Variants in MID1 observed in about 807,000 individuals in gnomAD.
The protein encoded by MID1 is midline 1.
MID1 carries 7 observed loss-of-function variants against 40.4 expected under a neutral mutation model. That is an observed-to-expected ratio of 0.17 (90% CI 0.10 to 0.33). The LOEUF (loss-of-function observed/expected upper bound fraction) is 0.33. Among genes scored for constraint, MID1 ranks in the 10% least tolerant of loss-of-function variants. The pLI is 1.00. For missense variants in MID1, 367 were observed against 558.5 expected (o/e 0.66, Z 3.46); for synonymous variants, 229 against 221.2 (o/e 1.04, Z -0.31).
intron 9 of MID1, 57 bp downstream of exon 9, chrX:10,454,809 CTAAG>C (rs1928553858): frequency 3.0e-6 from 3 of 995,724 alleles, no homozygotes; most frequent in African/African-American, 3.8e-5. Context: ...GGTTGACTCT[CTAAG>C]TACAGAATGA....
At chrX:10,571,534 A>C (rs1159016050) in intron 1 of MID1, among the ~76,000 whole-genome samples, 1 of 106,188 alleles carries the variant, frequency 9.4e-6, no homozygotes, top group African/African-American at 3.5e-5. Context: ...CAAATACTTA[A>C]GTTCATCTAT....
chrX:10,460,329 C>T (rs1412955740), intron 7 of MID1, among the ~76,000 whole-genome samples: 1 of 111,427 alleles, frequency 9.0e-6, no homozygotes, highest in Non-Finnish European at 1.9e-5. Flanking sequence ...CCAACCCCAA[C>T]CGACCTCCAA....
rs543953774 is a variant in MID1 at position 10,799,653 on chromosome X, G to C, written c.-187+33901C>G. On this transcript the variant is annotated intron_variant, in intron 1 of 10. Transcript: ENST00000380785. ...AGAACTTCCAGGAGATTTATGGCAAGGTTGAGATACCTAACAGGCTGATCT... is the reference window on the plus strand; with the variant it reads ...AGAACTTCCAGGAGATTTATGGCAACGTTGAGATACCTAACAGGCTGATCT... Among the ~76,000 whole-genome samples the C allele has an allele frequency of 3.0e-4, 33 of 109,026 alleles. No individual in the cohort carries two copies. In the South Asian group the frequency reaches 4.1e-3, roughly 14 times the overall value. The allele number at this position is 109,026 out of a possible 115,157, so 94.7% of individuals were successfully genotyped here.
intron 1 of MID1, among the ~76,000 whole-genome samples, chrX:10,832,452 A>G (rs1339845559): frequency 1.8e-5 from 2 of 112,333 alleles, no homozygotes; most frequent in African/African-American, 6.5e-5. Flanking sequence ...AATATCAGAA[A>G]TCTGAAATTG....
chrX:10,634,527 A>G (rs1247958787), intron 1 of MID1, among the ~76,000 whole-genome samples: 3 of 109,235 alleles, frequency 2.7e-5, no homozygotes, highest in Non-Finnish European at 5.7e-5. Context: ...AGAGGTTGCT[A>G]TGGATACATT....
intron 1 of MID1, among the ~76,000 whole-genome samples, chrX:10,613,243 G>A (rs1021505586): frequency 4.5e-5 from 5 of 111,281 alleles, no homozygotes; most frequent in African/African-American, 1.6e-4. Context: ...AGACCCTTTG[G>A]TAATATATTA....
chrX:10,771,531 G>A (rs1461705031), intron 1 of MID1, among the ~76,000 whole-genome samples: 7 of 105,625 alleles, frequency 6.6e-5, no homozygotes, highest in South Asian at 4.2e-4. Context: ...CATTCTTGTC[G>A]CCCAGGCTGG....
intron 1 of MID1, among the ~76,000 whole-genome samples, chrX:10,603,149 C>T (rs1479475995): frequency 1.8e-5 from 2 of 112,276 alleles, no homozygotes; most frequent in Non-Finnish European, 3.8e-5. Context: ...ACTTATCTGC[C>T]CACATTTTTG....
At chrX:10,824,564 C>T (rs760793986) in intron 1 of MID1, among the ~76,000 whole-genome samples, 3 of 112,193 alleles carry the variant, frequency 2.7e-5, no homozygotes, top group East Asian at 2.8e-4. Flanking sequence ...AGTGCTCCTG[C>T]TTTGAACTCA....
intron 1 of MID1, among the ~76,000 whole-genome samples, chrX:10,659,068 T>TC (rs200464371): frequency 0.077 from 8,580 of 111,720 alleles, 500 homozygotes; most frequent in African/African-American, 0.2. Context: ...CTTACAGTCT[T>TC]TGGAGCACAA....
chrX:10,549,884 C>A (rs1221134883), intron 2 of MID1, among the ~76,000 whole-genome samples: 2 of 112,373 alleles, frequency 1.8e-5, no homozygotes, highest in Non-Finnish European at 3.8e-5. Context: ...ATAAGTAGTA[C>A]CTTCCAGCAG....
At chrX:10,749,049 G>C (rs778746914) in intron 1 of MID1, among the ~76,000 whole-genome samples, 2 of 111,427 alleles carry the variant, frequency 1.8e-5, no homozygotes, top group African/African-American at 3.3e-5. Context: ...GCATAGTGTG[G>C]AGTGCTTTGT....
chrX:10,800,734 C>T (rs2044000282), intron 1 of MID1, among the ~76,000 whole-genome samples: 1 of 111,842 alleles, frequency 8.9e-6, no homozygotes, highest in African/African-American at 3.2e-5. Context: ...GGCCTAATTC[C>T]TTTGCTAATT....
At chrX:10,704,739 T>TACACACACACACAC (rs1189463440) in intron 1 of MID1, among the ~76,000 whole-genome samples, 21 of 82,183 alleles carry the variant, frequency 2.6e-4, no homozygotes, top group African/African-American at 6.9e-4. Flanking sequence ...TATATATATA[T>TACACACACACACAC]ACACACACAC....
At chrX:10,680,456 T>G (rs1410888361) in intron 1 of MID1, among the ~76,000 whole-genome samples, 1 of 112,109 alleles carries the variant, frequency 8.9e-6, no homozygotes, top group Non-Finnish European at 1.9e-5. Context: ...AATGTTTGAA[T>G]GTATTATCTT....
chrX:10,825,691 A>G (rs2044211065), intron 1 of MID1, among the ~76,000 whole-genome samples: 1 of 111,585 alleles, frequency 9.0e-6, no homozygotes, highest in Admixed American at 9.5e-5. Flanking sequence ...AATGAAATAG[A>G]AAGAATTCGC....
In MID1 at chrX:10,446,493, T is replaced by C. The variant is rs1413566875; in HGVS notation, c.*2875A>G. 1 of 112,136 alleles carries C rather than the reference T, an allele frequency of 8.9e-6. No homozygotes were observed. Among genetic ancestry groups the C allele is most frequent in the African/African-American group, 3.2e-5 (1 of 30,875 alleles). 9.2% of individuals were successfully genotyped at this position (112,136 alleles called of 1,213,427 possible). A position where few individuals can be genotyped will look rare whatever the true frequency, so the allele number is the denominator to read the frequency against. Reference sequence around the variant, plus strand: ...GTCAGTTTTTGAAGTCACTTTCTTTTAAAGCTGGAAAGAATCTTCACCCAG... The same window carrying C: ...GTCAGTTTTTGAAGTCACTTTCTTTCAAAGCTGGAAAGAATCTTCACCCAG... On this transcript the variant is annotated 3_prime_UTR_variant, in exon 10 of 10. Transcript: ENST00000317552.
chrX:10,681,433 T>G (rs185744312), intron 1 of MID1, among the ~76,000 whole-genome samples: 1 of 112,308 alleles, frequency 8.9e-6, no homozygotes, highest in Admixed American at 9.4e-5. Context: ...ATTGCGTGGC[T>G]GACAGTTGAT....
At chrX:10,763,526 C>T (rs185127499) in intron 1 of MID1, among the ~76,000 whole-genome samples, 6,654 of 111,126 alleles carry the variant, frequency 0.06, 514 homozygotes, top group African/African-American at 0.21. Flanking sequence ...TAGTATTCCA[C>T]GGTGTATATG....
Sources: gnomAD v4.1 joint callset for allele counts (sites outside exome capture counted in the v4.1 genomes callset) on GRCh38, gnomAD v4.1.1 for gene constraint, MANE v1.5 for transcripts, NCBI Gene and HGNC (gene_info 2026-07-23, HGNC 2026-07-21) for gene names.